Variants in ZNF385D observed in about 807,000 individuals in gnomAD.
ZNF385D encodes the protein zinc finger protein 385D, also known as zinc finger protein 659.
A neutral mutation model predicts 35.8 loss-of-function variants in ZNF385D; 15 were observed. The ratio of observed to expected loss-of-function variants is 0.42; its 90% CI spans 0.28 to 0.64. ZNF385D has a LOEUF of 0.64. ZNF385D is among the 30% of genes least tolerant of loss of function. The pLI is 0.23. For synonymous variants in ZNF385D, 212 were observed against 186.8 expected, an observed-to-expected ratio of 1.13 and a Z score of -1.10; for missense variants, 474 against 494.6, an observed-to-expected ratio of 0.96 and a Z score of 0.39.
At chr3:21,424,690 T>TC (rs1491291414) in intron 6 of ZNF385D, among the ~76,000 whole-genome samples, 2 of 18,678 alleles carry the variant, frequency 1.1e-4, no homozygotes, top group Non-Finnish European at 1.6e-4. Flanking sequence ...CACACATCTC[T>TC]TTTTTTTTTT....
chr3:21,961,169 T>C (rs1287971400), intron 3 of ZNF385D, among the ~76,000 whole-genome samples: 1 of 152,094 alleles, frequency 6.6e-6, no homozygotes, highest in Non-Finnish European at 1.5e-5. Context: ...AATATCACTC[T>C]GTATGCCGTA....
chr3:21,718,820 ATT>A (rs1196104028), intron 1 of ZNF385D, among the ~76,000 whole-genome samples: 1 of 152,246 alleles, frequency 6.6e-6, no homozygotes, highest in African/African-American at 2.4e-5. Context: ...AACTGAATCA[ATT>A]TTTAAAATGA....
intron 3 of ZNF385D, among the ~76,000 whole-genome samples, chr3:21,886,785 G>GA (rs1360890458): frequency 3.3e-5 from 5 of 152,096 alleles, no homozygotes; most frequent in African/African-American, 7.2e-5. Context: ...CCTCTCATAA[G>GA]AAAATCTAAT....
At chr3:21,534,198 T>G (rs2061986148) in intron 3 of ZNF385D, among the ~76,000 whole-genome samples, 1 of 151,742 alleles carries the variant, frequency 6.6e-6, no homozygotes, top group Non-Finnish European at 1.5e-5. Context: ...CTAATCCAAG[T>G]CCTTTATCTT....
At chr3:21,443,023 T>C (rs1701945949) in intron 4 of ZNF385D, among the ~76,000 whole-genome samples, 1 of 152,076 alleles carries the variant, frequency 6.6e-6, no homozygotes, top group South Asian at 2.1e-4. Flanking sequence ...AATGTATGTC[T>C]AAGCAGAAAA....
At chr3:21,757,401 C>T (rs1012768507) in intron 3 of ZNF385D, among the ~76,000 whole-genome samples, 1 of 152,040 alleles carries the variant, frequency 6.6e-6, no homozygotes, top group Non-Finnish European at 1.5e-5. Flanking sequence ...CCTTGGCCTC[C>T]CAAAGTGCTG....
At chr3:21,742,197 T>A (rs2069548335) in intron 1 of ZNF385D, among the ~76,000 whole-genome samples, 1 of 152,214 alleles carries the variant, frequency 6.6e-6, no homozygotes, top group Admixed American at 6.5e-5. Flanking sequence ...TTTCAACTGA[T>A]TGTATTAAGT....
chr3:21,915,604 T>C (rs7635497), intron 3 of ZNF385D, among the ~76,000 whole-genome samples: 81,201 of 151,796 alleles, frequency 0.53, 23,764 homozygotes, highest in South Asian at 0.66. Flanking sequence ...TCAAGAGAGC[T>C]TGAACTACCC....
chr3:22,078,666 G>A (rs1023622853), intron 3 of ZNF385D, among the ~76,000 whole-genome samples: 1 of 152,116 alleles, frequency 6.6e-6, no homozygotes, highest in Non-Finnish European at 1.5e-5. Context: ...ACAGGTGATG[G>A]CAATCAGTGT....
intron 1 of ZNF385D, among the ~76,000 whole-genome samples, chr3:21,714,916 G>A (rs2220549): frequency 0.17 from 26,330 of 152,106 alleles, 2,534 homozygotes; most frequent in South Asian, 0.23. Flanking sequence ...ACAGATGAAC[G>A]TATACATCAT....
intron 2 of ZNF385D, among the ~76,000 whole-genome samples, chr3:22,370,011 T>TG (rs1312938142): frequency 6.6e-6 from 1 of 152,222 alleles, no homozygotes; most frequent in Non-Finnish European, 1.5e-5. Context: ...TTACTATAGA[T>TG]GAAACACTGT....
chr3:21,908,051 C>T (rs920757255), intron 3 of ZNF385D, among the ~76,000 whole-genome samples: 1 of 151,978 alleles, frequency 6.6e-6, no homozygotes, highest in African/African-American at 2.4e-5. Flanking sequence ...ATGTTTAAAA[C>T]ATTACTGATA....
chr3:21,462,651 C>T (rs1311046216), intron 4 of ZNF385D, among the ~76,000 whole-genome samples: 1 of 152,206 alleles, frequency 6.6e-6, no homozygotes, highest in Admixed American at 6.6e-5. Context: ...TACAAGGCAA[C>T]AGTAAAATAC....
At chr3:22,231,414 C>A (rs754758054) in intron 2 of ZNF385D, among the ~76,000 whole-genome samples, 2 of 152,142 alleles carry the variant, frequency 1.3e-5, no homozygotes, top group African/African-American at 2.4e-5. Flanking sequence ...TTCCACCAGC[C>A]CCAAGGAGCT....
chr3:22,310,597 T>C (rs1442926246), intron 2 of ZNF385D, among the ~76,000 whole-genome samples: 1 of 152,076 alleles, frequency 6.6e-6, no homozygotes, highest in South Asian at 2.1e-4. Flanking sequence ...TAAAATGACA[T>C]CTTTAAATAT....
Position 21,505,288 on chromosome 3 carries a change from G to C in ZNF385D, c.439+5573C>G, listed in dbSNP as rs190913019. On this transcript the variant is annotated intron_variant, in intron 4 of 7. Coordinates refer to ENST00000281523, the MANE Select transcript of ZNF385D (RefSeq NM_024697.3). ...AGATCTGGACTTAGGAGAAGGACAG[G>C]GCAAGAGAATCTTAAGACATCTAAG... Among the ~76,000 whole-genome samples, 7 of 152,078 alleles carry C rather than the reference G, an allele frequency of 4.6e-5. No homozygotes were observed. In the East Asian group the frequency reaches 1.4e-3, roughly 30 times the overall value.
intron 2 of ZNF385D, among the ~76,000 whole-genome samples, chr3:22,178,208 A>G (rs7431409): frequency 6.6e-6 from 1 of 152,186 alleles, no homozygotes; most frequent in Non-Finnish European, 1.5e-5. Context: ...CCAACAGTGT[A>G]AAAGTGTTCC....
intron 2 of ZNF385D, among the ~76,000 whole-genome samples, chr3:22,235,099 G>C (rs1409887484): frequency 6.6e-6 from 1 of 151,982 alleles, no homozygotes; most frequent in African/African-American, 2.4e-5. Context: ...TTTCTGATAA[G>C]TTTATTAAGG....
At chr3:22,109,474 G>A (rs1029230319) in intron 3 of ZNF385D, among the ~76,000 whole-genome samples, 1 of 152,100 alleles carries the variant, frequency 6.6e-6, no homozygotes, top group African/African-American at 2.4e-5. Flanking sequence ...GCTGGGTAGT[G>A]GACAGAAAGC....
Sources: allele counts gnomAD v4.1 joint callset (sites outside exome capture counted in the v4.1 genomes callset), GRCh38; gene constraint gnomAD v4.1.1; transcripts MANE v1.5; gene names NCBI Gene and HGNC (gene_info 2026-07-23, HGNC 2026-07-21).